The following PUM1 variants were observed in gnomAD, a reference collection of about 807,000 sequenced individuals.
PUM1 encodes the protein pumilio RNA binding family member 1.
In PUM1, 13 loss-of-function variants were observed where a neutral mutation model predicts 131.8. The observed-to-expected ratio is 0.10, with a 90% CI of 0.06 to 0.16. The LOEUF (loss-of-function observed/expected upper bound fraction) is 0.16. Among genes scored for constraint, PUM1 ranks in the 10% least tolerant of loss-of-function variants. The probability of loss-of-function intolerance (pLI) is 1.00; values close to 1 mark genes in which losing one functional copy is unlikely to be tolerated. For missense variants in PUM1, 961 were observed against 1,512.4 expected (o/e 0.64, Z 6.05); for synonymous variants, 509 against 556.5 (o/e 0.91, Z 1.20).
chr1:31,054,074 A>G (rs1221607477), intron 2 of PUM1, among the ~76,000 whole-genome samples: 1 of 144,282 alleles, frequency 6.9e-6, no homozygotes, highest in African/African-American at 2.6e-5. Context: ...AGCCTGGACT[A>G]CAGAGCAAGA....
intron 2 of PUM1, 124 bp from the exon 3 acceptor site, chr1:31,028,988 G>T: frequency 1.3e-6 from 1 of 749,392 alleles, no homozygotes; most frequent in Non-Finnish European, 2.3e-6. Flanking sequence ...CAATAGCAAT[G>T]ATCAAGTGAC....
chr1:31,034,921 T>C (rs1266124431), intron 2 of PUM1, among the ~76,000 whole-genome samples: 1 of 151,916 alleles, frequency 6.6e-6, no homozygotes, highest in Non-Finnish European at 1.5e-5. Context: ...AGTGAGAAAA[T>C]GGCAGGCAAA....
At chr1:31,053,694 G>A (rs908526696) in intron 2 of PUM1, among the ~76,000 whole-genome samples, 17 of 150,360 alleles carry the variant, frequency 1.1e-4, no homozygotes, top group Non-Finnish European at 2.5e-4. Context: ...GGCTGCTCTC[G>A]AACTCCTGGG....
chr1:31,052,684 G>C (rs1644140478), intron 2 of PUM1, among the ~76,000 whole-genome samples: 1 of 149,710 alleles, frequency 6.7e-6, no homozygotes, highest in African/African-American at 2.5e-5. Flanking sequence ...CTAGTATTTT[G>C]CTCCATATCC....
chr1:30,995,051 A>C lies in PUM1; in HGVS notation c.887+3T>G, dbSNP rs1161726493. 1.2e-6 allele frequency: 2 copies of C among 1,612,008 alleles called. No homozygotes were observed. The highest frequency in any genetic ancestry group is 1.1e-5 in the South Asian group (1 of 90,576). On this transcript the variant is annotated splice_donor_region_variant and intron_variant, in intron 6 of 21. Coordinates refer to ENST00000426105, the MANE Select transcript of PUM1 (RefSeq NM_001020658.2). ...AAAAATCAGAAGTGTAAAACATACAAACCTAAAATCTTTGACGTCTGCATC... is the reference window on the plus strand; with the variant it reads ...AAAAATCAGAAGTGTAAAACATACACACCTAAAATCTTTGACGTCTGCATC...
intron 3 of PUM1, among the ~76,000 whole-genome samples, chr1:31,026,989 T>TA (rs944101135): frequency 7.7e-5 from 11 of 143,558 alleles, no homozygotes; most frequent in Admixed American, 1.4e-4. Context: ...AAAAAAATGA[T>TA]AAAAAAAGAA....
intron 2 of PUM1, among the ~76,000 whole-genome samples, chr1:31,055,922 A>T (rs1345003642): frequency 1.3e-5 from 2 of 152,174 alleles, no homozygotes; most frequent in Admixed American, 6.5e-5. Flanking sequence ...ACACAACAAA[A>T]GATCTTATAG....
chr1:30,989,881 T>C (rs1641720518), intron 7 of PUM1, among the ~76,000 whole-genome samples: 1 of 152,232 alleles, frequency 6.6e-6, no homozygotes, highest in African/African-American at 2.4e-5. Context: ...GTGGTCTCCC[T>C]GAAGTTATCT....
At chr1:31,060,863 G>A (rs772233220) in intron 1 of PUM1, among the ~76,000 whole-genome samples, 4 of 151,310 alleles carry the variant, frequency 2.6e-5, no homozygotes, top group Non-Finnish European at 4.4e-5. Context: ...TCCAGCCTGG[G>A]CGACAAATCG....
chr1:30,952,496 TA>T (rs911818844), intron 15 of PUM1, 133 bp from the exon 16 acceptor site: 1 of 1,302,000 alleles, frequency 7.7e-7, no homozygotes, highest in Non-Finnish European at 1.1e-6. Context: ...ATGCACACAA[TA>T]AACCAAACTT....
At chr1:31,014,542 C>G (rs1642741197) in intron 3 of PUM1, among the ~76,000 whole-genome samples, 1 of 151,544 alleles carries the variant, frequency 6.6e-6, no homozygotes. Context: ...AATCTCAGCA[C>G]TTTGGGAGGC....
rs185829912 is a variant in PUM1, at chr1:31,059,411, T to C, written c.156A>G (p.Ala52=). The change falls in exon 2 of 22, where the codon GCA becomes GCG. Residue 52 remains alanine (A), a synonymous_variant. Transcript: ENST00000426105. ...TGSQAQPQPA[A]NQALAAGTHS... ...GAGTCCCAGCTGCAAGAGCCTGATT[T>C]GCAGCTGGTTGTGGCTGCGCTTGCG... 6.8e-6 allele frequency: 11 copies of C among 1,614,182 alleles called. No individual in the cohort carries two copies. Among genetic ancestry groups the C allele is most frequent in the Non-Finnish European group, 8.5e-6 (10 of 1,180,026 alleles).
intron 9 of PUM1, among the ~76,000 whole-genome samples, chr1:30,977,603 C>G (rs1482985497): frequency 6.6e-6 from 1 of 152,200 alleles, no homozygotes; most frequent in Non-Finnish European, 1.5e-5. Context: ...GTGTGACTGA[C>G]ACCCTCAAAG....
intron 2 of PUM1, among the ~76,000 whole-genome samples, chr1:31,041,220 T>C (rs1265473388): frequency 1.3e-5 from 2 of 152,138 alleles, no homozygotes; most frequent in Non-Finnish European, 1.5e-5. Context: ...TGAGCACTTA[T>C]GAAAACTAAA....
At chr1:31,062,795 ACTAT>A (rs1232692677) in intron 1 of PUM1, among the ~76,000 whole-genome samples, 2 of 152,164 alleles carry the variant, frequency 1.3e-5, no homozygotes, top group African/African-American at 4.8e-5. Context: ...TAACAAATCT[ACTAT>A]CTCTCTGTTG....
chr1:31,038,984 A>ATATATATTTT, intron 2 of PUM1, among the ~76,000 whole-genome samples: 2 of 49,416 alleles, frequency 4.0e-5, no homozygotes, highest in African/African-American at 2.1e-4. Flanking sequence ...ATATATATAT[A>ATATATATTTT]TTTTTTTTTT....
intron 20 of PUM1, among the ~76,000 whole-genome samples, chr1:30,939,473 A>T (rs1639356910): frequency 6.6e-6 from 1 of 152,180 alleles, no homozygotes; most frequent in Non-Finnish European, 1.5e-5. Flanking sequence ...TTCCAGCTTT[A>T]GCTGCCCAGC....
intron 13 of PUM1, among the ~76,000 whole-genome samples, chr1:30,965,778 T>G (rs376589814): frequency 1.3e-5 from 2 of 152,190 alleles, no homozygotes; most frequent in African/African-American, 2.4e-5. Context: ...ATTAAGTAAG[T>G]AGCCACATGA....
chr1:30,993,059 C>A (rs1374023293), intron 6 of PUM1, among the ~76,000 whole-genome samples: 1 of 152,118 alleles, frequency 6.6e-6, no homozygotes, highest in Non-Finnish European at 1.5e-5. Flanking sequence ...AAGTTGGTTT[C>A]TGGGGGAAAT....
Sources: allele counts gnomAD v4.1 joint callset (sites outside exome capture counted in the v4.1 genomes callset), GRCh38; gene constraint gnomAD v4.1.1; transcripts MANE v1.5; gene names NCBI Gene and HGNC (gene_info 2026-07-23, HGNC 2026-07-21).